PRIM2: variants seen among roughly 807,000 people sequenced by gnomAD.
The protein encoded by PRIM2 is DNA primase large subunit.
A neutral mutation model predicts 67.3 loss-of-function variants in PRIM2; 39 were observed. The ratio of observed to expected loss-of-function variants is 0.58; its 90% CI spans 0.45 to 0.76. The LOEUF is 0.76. Among genes scored for constraint, PRIM2 ranks in the 30% least tolerant of loss-of-function variants. The pLI, the probability that PRIM2 is intolerant of heterozygous loss-of-function variation, is 0.00. For missense variants in PRIM2, 398 were observed against 598.7 expected, an observed-to-expected ratio of 0.66 and a Z score of 3.50; for synonymous variants, 143 against 198.7, an observed-to-expected ratio of 0.72 and a Z score of 2.36.
At chr6:57,545,863 G>A (rs1169067116) in intron 10 of PRIM2, among the ~76,000 whole-genome samples, 1 of 152,196 alleles carries the variant, frequency 6.6e-6, no homozygotes, top group Non-Finnish European at 1.5e-5. Flanking sequence ...ACCTTAAAGT[G>A]TAGTCCATCC....
At chr6:57,612,416 A>T (rs1201648991) in intron 12 of PRIM2, among the ~76,000 whole-genome samples, 10 of 152,260 alleles carry the variant, frequency 6.6e-5, no homozygotes, top group Admixed American at 2.0e-4. Context: ...AATAGAAAGG[A>T]ATAAATTACT....
At chr6:57,517,404 A>C (rs2127462824) in intron 8 of PRIM2, among the ~76,000 whole-genome samples, 1 of 152,280 alleles carries the variant, frequency 6.6e-6, no homozygotes, top group South Asian at 2.1e-4. Flanking sequence ...ATGTAATAGA[A>C]CTTTCTGTGA....
intron 5 of PRIM2, among the ~76,000 whole-genome samples, chr6:57,355,970 G>C (rs1285333548): frequency 6.6e-6 from 1 of 152,174 alleles, no homozygotes; most frequent in African/African-American, 2.4e-5. Context: ...ATCCAAGTTA[G>C]AAACAAATGG....
At chr6:57,267,902 C>T in the PRIM2 span, among the ~76,000 whole-genome samples, 3 of 151,908 alleles carry the variant, frequency 2.0e-5, no homozygotes, top group South Asian at 4.2e-4. Context: ...CAGAGAAGAT[C>T]GTGGATTCAT....
At chr6:57,423,930 G>A (rs569072811) in intron 7 of PRIM2, among the ~76,000 whole-genome samples, 1 of 152,272 alleles carries the variant, frequency 6.6e-6, no homozygotes, top group African/African-American at 2.4e-5. Context: ...TTGTGTGCCT[G>A]CACAGGAGTG....
chr6:57,619,818 C>T (rs1165194614), intron 12 of PRIM2, among the ~76,000 whole-genome samples: 1 of 152,154 alleles, frequency 6.6e-6, no homozygotes, highest in African/African-American at 2.4e-5. Flanking sequence ...AGGAAGAAGA[C>T]AATTCTAAAA....
chr6:57,625,255 T>A (rs1776928914), intron 12 of PRIM2, among the ~76,000 whole-genome samples: 1 of 152,124 alleles, frequency 6.6e-6, no homozygotes, highest in Non-Finnish European at 1.5e-5. Flanking sequence ...ATAAGGTTGT[T>A]TGGTGTGTTT....
intron 11 of PRIM2, among the ~76,000 whole-genome samples, chr6:57,605,031 T>C (rs1776535363): frequency 6.6e-6 from 1 of 152,214 alleles, no homozygotes; most frequent in Non-Finnish European, 1.5e-5. Context: ...ATTGAGATAA[T>C]ATGGTTTTTG....
chr6:57,625,456 C>A (rs1477751157), intron 12 of PRIM2, among the ~76,000 whole-genome samples: 3 of 152,144 alleles, frequency 2.0e-5, no homozygotes, highest in African/African-American at 7.2e-5. Context: ...TTCCAAAGAT[C>A]ACATTGCAGG....
the PRIM2 span, among the ~76,000 whole-genome samples, chr6:57,265,492 T>C: frequency 1.3e-5 from 2 of 152,250 alleles, no homozygotes; most frequent in Non-Finnish European, 2.9e-5. Context: ...AGGTTTGGGT[T>C]ATTTTTCCAT....
chr6:57,515,998 C>T (rs1372244276), intron 8 of PRIM2, among the ~76,000 whole-genome samples: 73 of 151,710 alleles, frequency 4.8e-4, no homozygotes, highest in African/African-American at 5.3e-4. Context: ...CTAGAGGCTG[C>T]CCACATTCCT....
intron 11 of PRIM2, among the ~76,000 whole-genome samples, chr6:57,605,789 T>C (rs1386561138): frequency 6.6e-6 from 1 of 152,190 alleles, no homozygotes; most frequent in Non-Finnish European, 1.5e-5. Flanking sequence ...AACATAGAGA[T>C]GACACATATC....
chr6:57,367,204 T>A (rs1769390250), intron 5 of PRIM2, among the ~76,000 whole-genome samples: 1 of 152,200 alleles, frequency 6.6e-6, no homozygotes, highest in African/African-American at 2.4e-5. Context: ...CAAAAAAATT[T>A]GTGAGTGAAG....
chr6:57,627,503 C>T (rs1443424810), intron 12 of PRIM2, among the ~76,000 whole-genome samples: 27 of 151,180 alleles, frequency 1.8e-4, no homozygotes, highest in Non-Finnish European at 3.5e-4. Flanking sequence ...ATTCTCCTGC[C>T]TCAGCCTCCT....
chr6:57,387,249 A>G (rs893238755), intron 7 of PRIM2, among the ~76,000 whole-genome samples: 4 of 152,200 alleles, frequency 2.6e-5, no homozygotes, highest in African/African-American at 4.8e-5. Context: ...TTTATCTGGT[A>G]TAGCATGTGG....
At chr6:57,350,796 T>C (rs936451340) in intron 5 of PRIM2, among the ~76,000 whole-genome samples, 3 of 152,134 alleles carry the variant, frequency 2.0e-5, no homozygotes, top group African/African-American at 7.2e-5. Context: ...ACCTTTACTT[T>C]TGTGGACGTT....
chr6:57,228,417 T>A, the PRIM2 span, among the ~76,000 whole-genome samples: 1 of 152,254 alleles, frequency 6.6e-6, no homozygotes. Context: ...AGATGTCTCC[T>A]TGTTGCAGCT....
intron 5 of PRIM2, among the ~76,000 whole-genome samples, chr6:57,333,754 C>T (rs1466853417): frequency 6.6e-6 from 1 of 151,072 alleles, no homozygotes; most frequent in Non-Finnish European, 1.5e-5. Flanking sequence ...TTTATTTTTC[C>T]CTCCTGTGTT....
At chr6:57,266,138 A>G in the PRIM2 span, among the ~76,000 whole-genome samples, 2 of 152,226 alleles carry the variant, frequency 1.3e-5, no homozygotes, top group Non-Finnish European at 2.9e-5. Flanking sequence ...AATACAGAAG[A>G]ATTTCCATTT....
Sources: gnomAD v4.1 joint callset for allele counts (sites outside exome capture counted in the v4.1 genomes callset) on GRCh38, gnomAD v4.1.1 for gene constraint, MANE v1.5 for transcripts, NCBI Gene and HGNC (gene_info 2026-07-23, HGNC 2026-07-21) for gene names.